The following PRUNE2 variants were observed in gnomAD, a reference collection of about 807,000 sequenced individuals.
PRUNE2 encodes prune homolog 2 with BCH domain.
Under a neutral mutation model 252.0 loss-of-function variants are expected in PRUNE2, and 164 were observed. The ratio of observed to expected loss-of-function variants is 0.65; its 90% CI spans 0.57 to 0.74. The LOEUF (loss-of-function observed/expected upper bound fraction) is 0.74, where lower values mean the gene tolerates loss of function less well. PRUNE2 is among the 30% of genes least tolerant of loss of function. PRUNE2 has a pLI of 0.00. For synonymous variants in PRUNE2, 1,292 were observed against 1,350.2 expected, an observed-to-expected ratio of 0.96 and a Z score of 0.94; for missense variants, 3,495 against 3,711.0, an observed-to-expected ratio of 0.94 and a Z score of 1.51.
At position 76,708,334 on chromosome 9, in the gene PRUNE2, C is replaced by T. The variant is rs2046456817; in HGVS notation, c.3940G>A (p.Asp1314Asn). 6.2e-7 allele frequency: 1 copy of T among 1,613,708 alleles called. No homozygotes were observed. Among genetic ancestry groups the T allele is most frequent in the African/African-American group, 1.3e-5 (1 of 74,890 alleles). The change falls in exon 8 of 19, where the codon GAT (aspartate) becomes AAT (asparagine). Residue 1314 changes from aspartate (D) to asparagine (N), a missense_variant. By Grantham distance (23) the Asp-to-Asn change is conservative. Transcript: ENST00000376718. Reference sequence around the variant, plus strand: ...CCATCGCCATGACCTTTCCATGGATCTGGGTGTGGAAAATACCCTGGATTC... The same window carrying T: ...CCATCGCCATGACCTTTCCATGGATTTGGGTGTGGAAAATACCCTGGATTC... ...LENPGYFPHP[D>N]PWKGHGDGQS...
intron 10 of PRUNE2, among the ~76,000 whole-genome samples, chr9:76,653,658 CA>C (rs1459054571): frequency 6.6e-6 from 1 of 152,116 alleles, no homozygotes; most frequent in African/African-American, 2.4e-5. Flanking sequence ...GTCATGTTCA[CA>C]GACACTCCCA....
At position 76,710,741 on chromosome 9, in the gene PRUNE2, A is replaced by AT; in HGVS notation, c.1532dup (p.His511GlnfsTer10). ...CATCTGCTGGGGAGTAGTCTGCAGA[A>AT]TGAGAAGATTGCTGGGACTGCCCAG... On this transcript the variant is annotated frameshift_variant, in exon 8 of 19. Transcript: ENST00000376718. LOFTEE classifies it high-confidence loss of function. 1 of 1,612,226 alleles carries AT rather than the reference A, an allele frequency of 6.2e-7. No homozygotes were observed. Among genetic ancestry groups the AT allele is most frequent in the Non-Finnish European group, 8.5e-7 (1 of 1,179,160 alleles).
chr9:76,817,500 C>G (rs1440162373), intron 6 of PRUNE2, among the ~76,000 whole-genome samples: 2 of 152,106 alleles, frequency 1.3e-5, no homozygotes, highest in Non-Finnish European at 2.9e-5. Context: ...GAAATATGAG[C>G]AGAAGTGATG....
At chr9:76,875,643 T>C (rs915995477) in intron 1 of PRUNE2, among the ~76,000 whole-genome samples, 1 of 152,128 alleles carries the variant, frequency 6.6e-6, no homozygotes, top group African/African-American at 2.4e-5. Context: ...GGATTACAAC[T>C]GTGAGCCACC....
chr9:76,772,260 T>A (rs148968486), intron 6 of PRUNE2, among the ~76,000 whole-genome samples: 177 of 152,334 alleles, frequency 1.2e-3, no homozygotes, highest in African/African-American at 4.0e-3. Context: ...CATAGCTTCT[T>A]AGCTACTGGT....
chr9:76,615,107 T>C, intron 18 of PRUNE2: 2 of 986,148 alleles, frequency 2.0e-6, no homozygotes, highest in Non-Finnish European at 2.4e-6. Flanking sequence ...CTTACTGAGA[T>C]GGATGTTTAT....
intron 6 of PRUNE2, among the ~76,000 whole-genome samples, chr9:76,752,318 C>T (rs377064554): frequency 9.9e-5 from 15 of 152,240 alleles, no homozygotes; most frequent in South Asian, 4.1e-4. Context: ...AGGATGGTCG[C>T]GATCTCCTGA....
intron 6 of PRUNE2, among the ~76,000 whole-genome samples, chr9:76,788,098 C>T (rs144264644): frequency 6.6e-6 from 1 of 152,188 alleles, no homozygotes; most frequent in Non-Finnish European, 1.5e-5. Context: ...TGTGCCCTCA[C>T]CTGGTTTTCT....
chr9:76,849,009 A>G (rs1299838552), intron 3 of PRUNE2, among the ~76,000 whole-genome samples: 1 of 152,174 alleles, frequency 6.6e-6, no homozygotes, highest in African/African-American at 2.4e-5. Context: ...CCCAGGCTCA[A>G]TTGATCCTTT....
chr9:76,734,557 G>A (rs2048909705), intron 6 of PRUNE2, among the ~76,000 whole-genome samples: 1 of 152,184 alleles, frequency 6.6e-6, no homozygotes. Flanking sequence ...AGGATTAAAT[G>A]AGATAGTTCA....
intron 6 of PRUNE2, among the ~76,000 whole-genome samples, chr9:76,796,414 C>T (rs939302530): frequency 2.0e-5 from 3 of 152,122 alleles, no homozygotes; most frequent in Admixed American, 6.5e-5. Context: ...AAGAAACATG[C>T]GTGGTGAGAA....
At chr9:76,847,974 G>GA (rs2132492362) in intron 3 of PRUNE2, among the ~76,000 whole-genome samples, 1 of 152,124 alleles carries the variant, frequency 6.6e-6, no homozygotes, top group African/African-American at 2.4e-5. Flanking sequence ...GTTTCAAAAA[G>GA]TTAATATGGC....
At chr9:76,724,164 C>A (rs867497468) in intron 6 of PRUNE2, among the ~76,000 whole-genome samples, 16 of 149,290 alleles carry the variant, frequency 1.1e-4, no homozygotes, top group African/African-American at 3.9e-4. Context: ...AGGTTAAGAA[C>A]TCCTTGAAAT....
At chr9:76,762,739 G>C (rs2051871499) in intron 6 of PRUNE2, among the ~76,000 whole-genome samples, 2 of 152,182 alleles carry the variant, frequency 1.3e-5, no homozygotes. Context: ...TTGAGCTCCA[G>C]AGTCAGGCCC....
chr9:76,866,742 G>A (rs771537478), intron 1 of PRUNE2, among the ~76,000 whole-genome samples: 10 of 149,092 alleles, frequency 6.7e-5, no homozygotes, highest in Non-Finnish European at 8.9e-5. Flanking sequence ...AAGGAAGGAA[G>A]TGGGTAAGAA....
chr9:76,695,016 T>C (rs947260573), intron 9 of PRUNE2, among the ~76,000 whole-genome samples: 2 of 152,188 alleles, frequency 1.3e-5, no homozygotes, highest in Non-Finnish European at 2.9e-5. Context: ...AATAAAACCA[T>C]GTTCCTCTCT....
chr9:76,766,510 T>C (rs967854980), intron 6 of PRUNE2, among the ~76,000 whole-genome samples: 2 of 152,238 alleles, frequency 1.3e-5, no homozygotes, highest in African/African-American at 4.8e-5. Context: ...ATTCCATTTC[T>C]TTCTGCTAAA....
rs1417461969 is a variant in PRUNE2 at position 76,629,301 on chromosome 9, A to G, written c.9051-11T>C. ...CTGCTGAATTTTGAACTAAAAAAAA[A>G]AAAAAGAAAAAAATATGTATCATTA... On this transcript the variant is annotated splice_polypyrimidine_tract_variant and intron_variant, in intron 15 of 18. Coordinates refer to ENST00000376718, the MANE Select transcript of PRUNE2 (RefSeq NM_015225.3). 2.1e-6 allele frequency: 3 copies of G among 1,414,392 alleles called. No individual in the cohort carries two copies. The highest frequency in any genetic ancestry group is 1.5e-5 in the African/African-American group (1 of 68,190). 87.6% of individuals were successfully genotyped at this position (1,414,392 alleles called of 1,614,324 possible).
In PRUNE2 at chr9:76,713,699, A is replaced by C. The variant is rs749733835; in HGVS notation, c.779T>G (p.Ile260Ser). ...NLENCLFHSN[I>S]TSDLKAFTDK... is the part of the protein sequence containing the mutation. ...TGTAAATGCTTTCAAGTCACTGGTA[A>C]TATTGCTGTGAAATAGACAATTCTG... Residue 260 changes from isoleucine (I) to serine (S), a missense_variant, in exon 7 of 19, where the codon ATT (isoleucine) becomes AGT (serine). By Grantham distance (142) the Ile-to-Ser change is moderately radical. Transcript: ENST00000376718. The C allele has an allele frequency of 6.3e-7, 1 of 1,598,328 alleles. No homozygotes were observed.
Sources: allele counts gnomAD v4.1 joint callset (sites outside exome capture counted in the v4.1 genomes callset), GRCh38; gene constraint gnomAD v4.1.1; transcripts MANE v1.5; gene names NCBI Gene and HGNC (gene_info 2026-07-23, HGNC 2026-07-21).